The following TRPM2 variants were observed in gnomAD, a reference collection of about 807,000 sequenced individuals.
TRPM2 encodes transient receptor potential cation channel subfamily M member 2.
A neutral mutation model predicts 174.0 loss-of-function variants in TRPM2; 161 were observed. The ratio of observed to expected loss-of-function variants is 0.93; its 90% confidence interval spans 0.81 to 1.05. The LOEUF is 1.05. Among genes scored for constraint, TRPM2 ranks in the 50% least tolerant of loss-of-function variants. The pLI, the probability that TRPM2 is intolerant of heterozygous loss-of-function variation, is 0.00. For missense variants in TRPM2, 2,057 were observed against 2,038.0 expected, an observed-to-expected ratio of 1.01 and a Z score of -0.18; for synonymous variants, 954 against 861.3, an observed-to-expected ratio of 1.11 and a Z score of -1.88.
At chr21:44,416,199 CA>C (rs2050273525) in intron 20 of TRPM2, 1 of 152,288 alleles carries the variant, frequency 6.6e-6, no homozygotes. Context: ...CTGTGCTACC[CA>C]GGACTCTGAA....
chr21:44,371,900 A>T (rs2048552517), intron 5 of TRPM2, among the ~76,000 whole-genome samples: 1 of 152,162 alleles, frequency 6.6e-6, no homozygotes. Flanking sequence ...TGGGAGGCTG[A>T]GATGGGCGGA....
chr21:44,422,267 C>T (rs2050577560), intron 22 of TRPM2: 1 of 1,535,524 alleles, frequency 6.5e-7, no homozygotes, highest in Non-Finnish European at 8.7e-7. Context: ...TCCTCGCCCA[C>T]AGGGCAGGGC....
chr21:44,425,383 T>C (rs1036305328), intron 24 of TRPM2: 63 of 427,198 alleles, frequency 1.5e-4, no homozygotes, highest in Non-Finnish European at 2.3e-4. Context: ...AGGAGCATAT[T>C]TGCCCTCGTA....
Position 44,377,790 on chromosome 21 carries a change from G to A in TRPM2, c.1014+17G>A, listed in dbSNP as rs2048751002. On this transcript the variant is annotated intron_variant, in intron 7 of 31. Coordinates refer to ENST00000397928, the MANE Select transcript of TRPM2 (RefSeq NM_003307.4). Reference sequence around the variant, plus strand: ...ACGTTGCACGTGAGTATGGCCAGGTGGGAGGGGGCATGTGTGGGCCCGTCC... The same window carrying A: ...ACGTTGCACGTGAGTATGGCCAGGTAGGAGGGGGCATGTGTGGGCCCGTCC... 6.2e-7 allele frequency: 1 copy of A among 1,613,738 alleles called. No homozygotes were observed. Among genetic ancestry groups the A allele is most frequent in the Non-Finnish European group, 8.5e-7 (1 of 1,179,940 alleles).
At chr21:44,388,668 A>AAC (rs1325067906) in intron 9 of TRPM2, among the ~76,000 whole-genome samples, 1 of 150,216 alleles carries the variant, frequency 6.7e-6, no homozygotes, top group Admixed American at 6.6e-5. Context: ...AAAAAAAAAA[A>AAC]AAACTAGTCA....
rs533187216 is a variant in TRPM2, at chr21:44,399,494, C to G, written c.2208+53C>G. The G allele has an allele frequency of 3.2e-6, 5 of 1,566,108 alleles. No homozygotes were observed. The highest frequency in any genetic ancestry group is 4.3e-6 in the Non-Finnish European group (5 of 1,155,254). The stretch of plus-strand genomic sequence containing the variant: ...ACAGACGCCTGTGGTGCCTGCAGGG[C>G]GGACACAGCCTCCTGTTCGTGCAGT... On this transcript the variant is annotated intron_variant, in intron 14 of 31. Coordinates refer to ENST00000397928, the MANE Select transcript of TRPM2 (RefSeq NM_003307.4). The surrounding 1 kb of genome is among the most constrained non-coding windows in gnomAD (Gnocchi z 4.6).
At chr21:44,386,002 T>A (rs1166163509) in intron 9 of TRPM2, among the ~76,000 whole-genome samples, 1 of 152,168 alleles carries the variant, frequency 6.6e-6, no homozygotes, top group Non-Finnish European at 1.5e-5. Flanking sequence ...ATATCAATTT[T>A]CTATGCAGAA....
chr21:44,390,734 C>G (rs1350089886), intron 9 of TRPM2, among the ~76,000 whole-genome samples, 170 bp from the exon 10 acceptor site: 1 of 152,186 alleles, frequency 6.6e-6, no homozygotes, highest in African/African-American at 2.4e-5. Flanking sequence ...ATGGAACATG[C>G]TTTTGCAAGG....
Position 44,373,636 on chromosome 21 carries a change from C to CTG in TRPM2, c.772-2197_772-2196insTG, listed in dbSNP as rs1569029940. ...ATATGCGACCTGCATTATATGCGAC[C>CTG]CGGATAGGCTGAGAATTTCCCACAT... On this transcript the variant is annotated intron_variant, in intron 5 of 31. Coordinates refer to ENST00000397928, the MANE Select transcript of TRPM2 (RefSeq NM_003307.4). Among the ~76,000 whole-genome samples the CTG allele has an allele frequency of 3.9e-4, 55 of 140,508 alleles. 3 individuals carry two copies. Among genetic ancestry groups the CTG allele is most frequent in the African/African-American group, 1.6e-3 (53 of 32,674 alleles). 92.2% of individuals were successfully genotyped at this position (140,508 alleles called of 152,430 possible). A position where few individuals can be genotyped will look rare whatever the true frequency, so the allele number is the denominator to read the frequency against.
rs535876392 is a variant in TRPM2 at position 44,366,038 on chromosome 21, C to T, written c.424-716C>T. Among the ~76,000 whole-genome samples, 8 of 152,218 alleles carry T rather than the reference C, an allele frequency of 5.3e-5. No individual in the cohort carries two copies. Among genetic ancestry groups the T allele is most frequent in the African/African-American group, 9.7e-5 (4 of 41,450 alleles). On this transcript the variant is annotated intron_variant, in intron 3 of 31. Coordinates refer to ENST00000397928, the MANE Select transcript of TRPM2 (RefSeq NM_003307.4). This position sits in a 1 kb window ranked among gnomAD's most constrained non-coding sequence, Gnocchi z 6.0. ...TGTGTCTCTGCTAGGCCAATCCCGG[C>T]GGAGATTGCAGACCCCGCTGGGTCT...
rs527852254 is a variant in TRPM2 at position 44,367,608 on chromosome 21, C to A, written c.604+674C>A. Among the ~76,000 whole-genome samples the A allele has an allele frequency of 1.2e-4, 19 of 152,280 alleles. 1 individual carries two copies. The East Asian group carries it at 3.5e-3, about 28-fold the overall frequency. On this transcript the variant is annotated intron_variant, in intron 4 of 31. Transcript: ENST00000397928. This position sits in a 1 kb window ranked among gnomAD's most constrained non-coding sequence, Gnocchi z 4.6. ...GAGGGGGCCCCAAGTCCTCAAGGCTCCCTGGGCCTCCCTGGAGGGGACTGT... is the reference window on the plus strand; with the variant it reads ...GAGGGGGCCCCAAGTCCTCAAGGCTACCTGGGCCTCCCTGGAGGGGACTGT...
chr21:44,425,729 G>A lies in TRPM2; in HGVS notation c.3697G>A (p.Glu1233Lys). 3.2e-6 allele frequency: 5 copies of A among 1,579,386 alleles called. No individual in the cohort carries two copies. Among genetic ancestry groups the A allele is most frequent in the Non-Finnish European group, 4.3e-6 (5 of 1,160,442 alleles). The change falls in exon 25 of 32, where the codon GAG becomes AAG. Residue 1233 changes from glutamate to lysine, a missense_variant. Physicochemically the swap from Glu to Lys is moderately conservative, Grantham distance 56. Transcript: ENST00000397928. ...GCCGGGAGGCAGGAAGAAGACGGAGGAGCCGGGCGACAGCTACCACGTGAA... is the reference window on the plus strand; with the variant it reads ...GCCGGGAGGCAGGAAGAAGACGGAGAAGCCGGGCGACAGCTACCACGTGAA... ...AEPGGRKKTE[E>K]PGDSYHVNAR... is the part of the protein sequence containing the mutation.
rs779862739 is a variant in TRPM2 at position 44,401,725 on chromosome 21, G to A, written c.2366G>A (p.Arg789His). Residue 789 changes from arginine (R) to histidine (H), a missense_variant, in exon 16 of 32, where the codon CGT becomes CAT. Physicochemically the swap from Arg to His is conservative, Grantham distance 29 (BLOSUM62 0). Coordinates refer to ENST00000397928, the MANE Select transcript of TRPM2 (RefSeq NM_003307.4). The part of the protein sequence containing the change: ...QDVGTPAARA[R>H]AFFTAPVVVF... ...GTGGGCACCCCCGCGGCCCGCGCCCGTGCCTTCTTCACCGCACCCGTGGTG... is the reference window on the plus strand; with the variant it reads ...GTGGGCACCCCCGCGGCCCGCGCCCATGCCTTCTTCACCGCACCCGTGGTG... 2.1e-5 allele frequency: 34 copies of A among 1,613,404 alleles called. No individual in the cohort carries two copies. The highest frequency in any genetic ancestry group is 7.7e-5 in the South Asian group (7 of 91,078).
chr21:44,363,877 G>A (rs553866947), intron 2 of TRPM2, among the ~76,000 whole-genome samples: 2 of 152,280 alleles, frequency 1.3e-5, no homozygotes, highest in African/African-American at 2.4e-5. Context: ...AAGCCCCCCT[G>A]TAGCCTCCAC....
intron 25 of TRPM2, among the ~76,000 whole-genome samples, chr21:44,426,083 A>G (rs1321364215): frequency 6.6e-6 from 1 of 152,132 alleles, no homozygotes; most frequent in Admixed American, 6.5e-5. Context: ...CTCGAGGCTT[A>G]GGCTCCTCCC....
intron 7 of TRPM2, among the ~76,000 whole-genome samples, 169 bp from the exon 8 acceptor site, chr21:44,378,828 C>T (rs2048785753): frequency 6.6e-6 from 1 of 152,208 alleles, no homozygotes; most frequent in South Asian, 2.1e-4. Flanking sequence ...GGGCAGCTCC[C>T]TCTTCCCCCA....
chr21:44,390,071 G>A (rs1420226792), intron 9 of TRPM2, among the ~76,000 whole-genome samples: 5 of 151,834 alleles, frequency 3.3e-5, no homozygotes, highest in Non-Finnish European at 5.9e-5. Context: ...ACAGGGTTTC[G>A]CCGTGTTAGC....
intron 17 of TRPM2, among the ~76,000 whole-genome samples, chr21:44,405,702 T>C (rs1345841870): frequency 6.6e-6 from 1 of 152,132 alleles, no homozygotes; most frequent in Non-Finnish European, 1.5e-5. Context: ...GGCTGCCCTG[T>C]GGGGCTGGGC....
At chr21:44,408,386 G>C (rs1255052856) in intron 19 of TRPM2, among the ~76,000 whole-genome samples, 1 of 152,006 alleles carries the variant, frequency 6.6e-6, no homozygotes, top group Non-Finnish European at 1.5e-5. Flanking sequence ...AAGTTTTTGT[G>C]GACGTGCTGG....
Sources: allele counts gnomAD v4.1 joint callset (sites outside exome capture counted in the v4.1 genomes callset), GRCh38; gene constraint gnomAD v4.1.1; non-coding constraint Gnocchi (gnomAD v3.1); transcripts MANE v1.5; gene names NCBI Gene and HGNC (gene_info 2026-07-23, HGNC 2026-07-21).